Variants in GIMAP6 observed in about 807,000 individuals in gnomAD.
GIMAP6 encodes the protein GTPase, IMAP family member 6.
Under a neutral mutation model 9.3 loss-of-function variants are expected in GIMAP6, and 6 were observed. That is an observed-to-expected ratio of 0.65 (90% confidence interval 0.35 to 1.27). GIMAP6 has a LOEUF of 1.27. Among genes scored for constraint, GIMAP6 ranks in the 50% most tolerant of loss-of-function variants. The pLI is 0.03. For synonymous variants in GIMAP6, 156 were observed against 151.1 expected (o/e 1.03, Z -0.24); for missense variants, 333 against 359.5 (o/e 0.93, Z 0.60).
In GIMAP6 at chr7:150,631,877, T is replaced by C. The variant is rs961619598; in HGVS notation, c.-1+292A>G. Reference sequence around the variant, plus strand: ...GTTGGTCACAGCTCTTTTTATCACATTACAAACCTGCACACACCACAGCAC... The same window carrying C: ...GTTGGTCACAGCTCTTTTTATCACACTACAAACCTGCACACACCACAGCAC... On this transcript the variant is annotated intron_variant, in intron 1 of 2. Transcript: ENST00000328902. 1.4e-4 allele frequency among the ~76,000 whole-genome samples: 21 copies of C among 152,066 alleles called. No homozygotes were observed. The East Asian group carries it at 4.0e-3, about 29-fold the overall frequency.
In GIMAP6 at chr7:150,628,196, C is replaced by T. The variant is rs1252640717; in HGVS notation, c.402G>A (p.Arg134=). 6.2e-7 allele frequency: 1 copy of T among 1,614,202 alleles called. No homozygotes were observed. The change falls in exon 3 of 3, where the codon CGG becomes CGA. Residue 134 remains arginine (R), a synonymous_variant. Transcript: ENST00000328902. ...HAVLLVTQLG[R]FTDEDQQVVR... Reference sequence around the variant, plus strand: ...CCACCTGCTGATCCTCATCCGTGAACCGGCCCAGTTGTGTCACCAGGAGCA... The same window carrying T: ...CCACCTGCTGATCCTCATCCGTGAATCGGCCCAGTTGTGTCACCAGGAGCA...
chr7:150,630,842 A>G (rs1228474151), intron 1 of GIMAP6, among the ~76,000 whole-genome samples: 1 of 152,226 alleles, frequency 6.6e-6, no homozygotes, highest in East Asian at 1.9e-4. Context: ...TTAAGGTCTC[A>G]ACATACTTCA....
chr7:150,627,577 C>T lies in GIMAP6; in HGVS notation c.*142G>A, dbSNP rs561659632. 2 of 969,186 alleles carry T rather than the reference C, an allele frequency of 2.1e-6. No individual in the cohort carries two copies. The highest frequency in any genetic ancestry group is 2.0e-5 in the Admixed American group (1 of 50,554). 60.0% of individuals were successfully genotyped at this position (969,186 alleles called of 1,614,324 possible). On this transcript the variant is annotated 3_prime_UTR_variant, in exon 3 of 3. Coordinates refer to ENST00000328902, the MANE Select transcript of GIMAP6 (RefSeq NM_024711.6). ...ATCTGGGCATGCTGGACCCTGTCCT[C>T]AAGCCCCATGCCCCTCTTCCTACAC...
Position 150,628,414 on chromosome 7 carries a change from C to G in GIMAP6, c.184G>C (p.Gly62Arg), listed in dbSNP as rs369422272. 10 of 1,614,012 alleles carry G rather than the reference C, an allele frequency of 6.2e-6. No homozygotes were observed. The highest frequency in any genetic ancestry group is 8.5e-6 in the Non-Finnish European group (10 of 1,180,024). Residue 62 changes from glycine (G) to arginine (R), a missense_variant, in exon 3 of 3, where the codon GGC (glycine) becomes CGC (arginine). Physicochemically the swap from Gly to Arg is moderately radical, Grantham distance 125. Coordinates refer to ENST00000328902, the MANE Select transcript of GIMAP6 (RefSeq NM_024711.6). ...GKSATGNSIL[G>R]RDVFESKLST... Reference sequence around the variant, plus strand: ...AGTTTAGACTCGAAGACGTCCCTGCCGAGGATGCTGTTTCCTGTTGCACTC... The same window carrying G: ...AGTTTAGACTCGAAGACGTCCCTGCGGAGGATGCTGTTTCCTGTTGCACTC...
Position 150,627,592 on chromosome 7 carries a change from T to C in GIMAP6, c.*127A>G. 8.6e-7 allele frequency: 1 copy of C among 1,160,372 alleles called. No individual in the cohort carries two copies. The highest frequency in any genetic ancestry group is 1.3e-6 in the Non-Finnish European group (1 of 784,654). The allele number at this position is 1,160,372 out of a possible 1,614,324, so 71.9% of individuals were successfully genotyped here. ...ACCCTGTCCTCAAGCCCCATGCCCC[T>C]CTTCCTACACCAGACGTCATGACCT... On this transcript the variant is annotated 3_prime_UTR_variant, in exon 3 of 3. Coordinates refer to ENST00000328902, the MANE Select transcript of GIMAP6 (RefSeq NM_024711.6).
At chr7:150,630,599 G>T (rs1024375697) in intron 1 of GIMAP6, among the ~76,000 whole-genome samples, 1 of 152,212 alleles carries the variant, frequency 6.6e-6, no homozygotes, top group African/African-American at 2.4e-5. Context: ...CCTGGAGGAC[G>T]TGAATGAGTA....
chr7:150,628,048 C>T lies in GIMAP6; in HGVS notation c.550G>A (p.Ala184Thr). 6.2e-7 allele frequency: 1 copy of T among 1,614,242 alleles called. No homozygotes were observed. The highest frequency in any genetic ancestry group is 1.1e-5 in the South Asian group (1 of 91,084). ...AGGGTCACATCCAGCCAGGCAAGGG[C>T]CTGGTTGTTGGTCTCTCGCACATAG... ...EDYVRETNNQALAWLDVTLAR... is the reference protein window; with the variant it reads ...EDYVRETNNQTLAWLDVTLAR... The change falls in exon 3 of 3, where the codon GCC becomes ACC. Residue 184 changes from alanine (A) to threonine (T), a missense_variant. By Grantham distance (58) the Ala-to-Thr change is moderately conservative. Coordinates refer to ENST00000328902, the MANE Select transcript of GIMAP6 (RefSeq NM_024711.6).
rs139277843 is a variant in GIMAP6, at chr7:150,628,058, G to C, written c.540C>G (p.Thr180=). 982 of 1,614,182 alleles carry C rather than the reference G, an allele frequency of 6.1e-4. No homozygotes were observed. Among genetic ancestry groups the C allele is most frequent in the Non-Finnish European group, 8.0e-4 (943 of 1,180,012 alleles). The change falls in exon 3 of 3, where the codon ACC becomes ACG. Residue 180 remains threonine (T), a synonymous_variant. Coordinates refer to ENST00000328902, the MANE Select transcript of GIMAP6 (RefSeq NM_024711.6). The part of the protein sequence containing the change: ...GGSLEDYVRE[T]NNQALAWLDV... ...CCAGCCAGGCAAGGGCCTGGTTGTT[G>C]GTCTCTCGCACATAGTCTTCCAGGG... is the stretch of plus-strand genomic sequence containing the variant.
chr7:150,630,949 G>A (rs1796381572), intron 1 of GIMAP6, among the ~76,000 whole-genome samples: 1 of 152,142 alleles, frequency 6.6e-6, no homozygotes, highest in Non-Finnish European at 1.5e-5. Flanking sequence ...ACAGCAATGT[G>A]TCCTGGCTTC....
rs1341286760 is a variant in GIMAP6, at chr7:150,626,926, G to T, written c.*793C>A. On this transcript the variant is annotated 3_prime_UTR_variant, in exon 3 of 3. Transcript: ENST00000328902. Reference sequence around the variant, plus strand: ...TCTCTAATCTAAGTCTACCTTGGTGGGGTGGTGTGACCTCCTCTGCCCAAG... The same window carrying T: ...TCTCTAATCTAAGTCTACCTTGGTGTGGTGGTGTGACCTCCTCTGCCCAAG... 1 of 152,198 alleles carries T rather than the reference G, an allele frequency of 6.6e-6. No individual in the cohort carries two copies. The highest frequency in any genetic ancestry group is 1.5e-5 in the Non-Finnish European group (1 of 68,076). The allele number at this position is 152,198 out of a possible 1,614,324, so 9.4% of individuals were successfully genotyped here. A position where few individuals can be genotyped will look rare whatever the true frequency, so the allele number is the denominator to read the frequency against.
At chr7:150,629,577 G>C (rs906802476) in intron 2 of GIMAP6, among the ~76,000 whole-genome samples, 4 of 152,128 alleles carry the variant, frequency 2.6e-5, no homozygotes, top group African/African-American at 9.7e-5. Flanking sequence ...CCCTCGATAA[G>C]GCAGAGCCCA....
chr7:150,630,138 T>G lies in GIMAP6; in HGVS notation c.5A>C (p.Glu2Ala). The change falls in exon 2 of 3, where the codon GAG becomes GCG. Residue 2 changes from glutamate (E) to alanine (A), a missense_variant. Transcript: ENST00000328902. ...GGGAATTTGTTCATATTCTTCTTCC[T>G]CCATCTACAAAAAAAAAAAAAAAAA... M[E>A]EEEYEQIPQE... The G allele has an allele frequency of 1.1e-6, 1 of 952,286 alleles. No homozygotes were observed. The highest frequency in any genetic ancestry group is 1.5e-6 in the Non-Finnish European group (1 of 677,058). 59.0% of individuals were successfully genotyped at this position (952,286 alleles called of 1,614,324 possible).
chr7:150,628,781 T>G (rs1796345135), intron 2 of GIMAP6: 1 of 1,416,970 alleles, frequency 7.1e-7, no homozygotes, highest in African/African-American at 1.4e-5. Context: ...ACCAAGGTTT[T>G]TAGATATGAC....
chr7:150,627,321 C>T lies in GIMAP6; in HGVS notation c.*398G>A, dbSNP rs1377938757. On this transcript the variant is annotated 3_prime_UTR_variant, in exon 3 of 3. Coordinates refer to ENST00000328902, the MANE Select transcript of GIMAP6 (RefSeq NM_024711.6). Reference sequence around the variant, plus strand: ...CAACAGCTTGCATGGAGTTGCCGCACCAAACGTGACTGCATGACTCCAATG... The same window carrying T: ...CAACAGCTTGCATGGAGTTGCCGCATCAAACGTGACTGCATGACTCCAATG... The T allele has an allele frequency of 2.0e-5, 5 of 246,222 alleles. No homozygotes were observed. The highest frequency in any genetic ancestry group is 5.2e-5 in the South Asian group (1 of 19,208). The allele number at this position is 246,222 out of a possible 1,614,324, so 15.3% of individuals were successfully genotyped here. A position where few individuals can be genotyped will look rare whatever the true frequency, so the allele number is the denominator to read the frequency against.
chr7:150,628,579 C>G (rs1353381354), intron 2 of GIMAP6, 67 bp from the exon 3 acceptor site: 2 of 1,600,520 alleles, frequency 1.2e-6, no homozygotes, highest in Admixed American at 1.7e-5. Flanking sequence ...TTGTCATCAC[C>G]AGGAGCCTCT....
rs746099435 is a variant in GIMAP6, at chr7:150,628,606, T to G, written c.86-94A>C. The stretch of plus-strand genomic sequence containing the variant: ...GGAGCCTCTGGGTGTACCCCCAGAC[T>G]GCAGGGGCAGATTGTAAAAGACCAA... On this transcript the variant is annotated intron_variant, in intron 2 of 2. Coordinates refer to ENST00000328902, the MANE Select transcript of GIMAP6 (RefSeq NM_024711.6). 35 of 1,593,604 alleles carry G rather than the reference T, an allele frequency of 2.2e-5. 1 individual carries two copies. The highest frequency in any genetic ancestry group is 3.3e-4 in the Middle Eastern group (2 of 6,028).
chr7:150,628,462 T>G lies in GIMAP6; in HGVS notation c.136A>C (p.Met46Leu). The G allele has an allele frequency of 6.2e-7, 1 of 1,614,184 alleles. No individual in the cohort carries two copies. Among genetic ancestry groups the G allele is most frequent in the Non-Finnish European group, 8.5e-7 (1 of 1,180,012 alleles). The change falls in exon 3 of 3, where the codon ATG (methionine) becomes CTG (leucine). Residue 46 changes from methionine to leucine, a missense_variant. Met to Leu is a conservative substitution (Grantham distance 15). Transcript: ENST00000328902. ...KTPRRLRLIL[M>L]GKTGSGKSAT... ...CTCTTCCCACTCCCTGTTTTCCCCA[T>G]GAGAATGAGCCTCAGTCTCCTTGGG... is the stretch of plus-strand genomic sequence containing the variant.
chr7:150,630,466 A>G (rs1473308492), intron 1 of GIMAP6, among the ~76,000 whole-genome samples: 1 of 152,116 alleles, frequency 6.6e-6, no homozygotes, highest in Non-Finnish European at 1.5e-5. Context: ...AGGGTCTGGA[A>G]CTGTTCTGGG....
At position 150,627,778 on chromosome 7, in the gene GIMAP6, G is replaced by A. The variant is rs1796319498; in HGVS notation, c.820C>T (p.Gln274Ter). ...GCTTCCTCAGATTCCTTCTGGATCT[G>A]GGACAGTCCTTCCAGCCAAGACTCC... is the stretch of plus-strand genomic sequence containing the variant. ...GEESWLEGLS[Q>*]IQKESEEAHR... Residue 274 changes from glutamine to a stop codon, truncating the protein, a stop_gained, in exon 3 of 3, where the codon CAG becomes TAG. Coordinates refer to ENST00000328902, the MANE Select transcript of GIMAP6 (RefSeq NM_024711.6). LOFTEE classifies it high-confidence loss of function. 1 of 1,614,190 alleles carries A rather than the reference G, an allele frequency of 6.2e-7. No homozygotes were observed.
Sources: allele counts gnomAD v4.1 joint callset (sites outside exome capture counted in the v4.1 genomes callset), GRCh38; gene constraint gnomAD v4.1.1; transcripts MANE v1.5; gene names NCBI Gene and HGNC (gene_info 2026-07-23, HGNC 2026-07-21).